The following WRN variants were observed in gnomAD, a reference collection of about 807,000 sequenced individuals.
The protein encoded by WRN is WRN RecQ like helicase.
In WRN, 149 loss-of-function variants were observed where a neutral mutation model predicts 180.7. That is an observed-to-expected ratio of 0.82 (90% CI 0.72 to 0.94). WRN has a LOEUF of 0.94. Ranked by LOEUF, WRN falls within the 40% of genes least tolerant of loss-of-function variation. The probability of loss-of-function intolerance (pLI) is 0.00; values close to 1 mark genes in which losing one functional copy is unlikely to be tolerated. For synonymous variants in WRN, 548 were observed against 568.9 expected, an observed-to-expected ratio of 0.96 and a Z score of 0.52; for missense variants, 1,661 against 1,700.1, an observed-to-expected ratio of 0.98 and a Z score of 0.40.
chr8:31,157,574 AGTAAACAAG>A, intron 33 of WRN, 44 bp downstream of exon 33: 4 of 1,610,882 alleles, frequency 2.5e-6, no homozygotes, highest in Non-Finnish European at 3.4e-6. Context: ...GACTTGATGA[AGTAAACAAG>A]CAATCCACTA....
intron 33 of WRN, among the ~76,000 whole-genome samples, chr8:31,166,229 T>G (rs1378244419): frequency 6.6e-6 from 1 of 152,160 alleles, no homozygotes; most frequent in Non-Finnish European, 1.5e-5. Flanking sequence ...AAATATTTGA[T>G]ATGTTTTGTA....
At position 31,142,300 on chromosome 8, in the gene WRN, C is replaced by A. The variant is rs186501297; in HGVS notation, c.3234-326C>A. Among the ~76,000 whole-genome samples the A allele has an allele frequency of 5.3e-5, 8 of 152,218 alleles. No homozygotes were observed. In the East Asian group the frequency reaches 1.4e-3, roughly 26 times the overall value. On this transcript the variant is annotated intron_variant, in intron 26 of 34. Transcript: ENST00000298139. ...GCTGACCATGGTATTTAGAAAACTT[C>A]TTTCTCATCGATTAAAGAAGCAGTA...
Position 31,079,492 on chromosome 8 carries a change from C to G in WRN, c.840-1375C>G, listed in dbSNP as rs192788952. ...CTTTTATGAAGTACTTTAATAAGCT[C>G]TACAACAAATAAACAAGACATTGTG... is the stretch of plus-strand genomic sequence containing the variant. On this transcript the variant is annotated intron_variant, in intron 8 of 34. Coordinates refer to ENST00000298139, the MANE Select transcript of WRN (RefSeq NM_000553.6). Among the ~76,000 whole-genome samples the G allele has an allele frequency of 1.6e-4, 24 of 152,246 alleles. No homozygotes were observed. In the East Asian group the frequency reaches 2.9e-3, roughly 18 times the overall value.
intron 24 of WRN, among the ~76,000 whole-genome samples, chr8:31,138,384 TTACTA>T (rs1802481052): frequency 6.6e-6 from 1 of 152,154 alleles, no homozygotes; most frequent in Admixed American, 6.5e-5. Flanking sequence ...AGTAAAATGA[TTACTA>T]TAATGAAACT....
At position 31,090,939 on chromosome 8, in the gene WRN, T is replaced by A. The variant is rs779488238; in HGVS notation, c.1826T>A (p.Leu609His). The A allele has an allele frequency of 6.2e-7, 1 of 1,609,612 alleles. No homozygotes were observed. Among genetic ancestry groups the A allele is most frequent in the Non-Finnish European group, 8.5e-7 (1 of 1,176,222 alleles). Residue 609 changes from leucine (L) to histidine (H), a missense_variant, in exon 15 of 35, where the codon CTT (leucine) becomes CAT (histidine). Leu to His is a moderately conservative substitution (Grantham distance 99). Transcript: ENST00000298139. ...ISLMEDQVLQ[L>H]KMSNIPACFL... Reference sequence around the variant, plus strand: ...CTGATGGAAGACCAAGTGCTACAGCTTAAGTAAGTCATGTTATCATTGCCA... The same window carrying A: ...CTGATGGAAGACCAAGTGCTACAGCATAAGTAAGTCATGTTATCATTGCCA...
intron 1 of WRN, among the ~76,000 whole-genome samples, chr8:31,036,726 A>G (rs909628869): frequency 2.0e-5 from 3 of 151,368 alleles, no homozygotes; most frequent in African/African-American, 7.3e-5. Context: ...TTTGCTATTG[A>G]GTTGTTTGAC....
intron 1 of WRN, among the ~76,000 whole-genome samples, chr8:31,046,691 G>C (rs1283283662): frequency 6.6e-6 from 1 of 152,166 alleles, no homozygotes; most frequent in Non-Finnish European, 1.5e-5. Flanking sequence ...GATCTTCGTA[G>C]TCTGTAGTAA....
chr8:31,093,559 T>C (rs529699262), intron 16 of WRN, among the ~76,000 whole-genome samples: 1 of 152,348 alleles, frequency 6.6e-6, no homozygotes, highest in East Asian at 1.9e-4. Context: ...CACATCCTTA[T>C]AAAAATCTTT....
At chr8:31,120,167 C>CT in intron 20 of WRN, 76 bp from the exon 21 acceptor site, 1 of 1,568,336 alleles carries the variant, frequency 6.4e-7, no homozygotes, top group Non-Finnish European at 8.8e-7. Flanking sequence ...ACAAATTATT[C>CT]TTACAAAAAG....
At position 31,141,774 on chromosome 8, in the gene WRN, A is replaced by G. The variant is rs543930395; in HGVS notation, c.3232A>G (p.Ser1078Gly). 14 of 1,613,552 alleles carry G rather than the reference A, an allele frequency of 8.7e-6. No individual in the cohort carries two copies. In the South Asian group the frequency reaches 1.5e-4, roughly 18 times the overall value. Residue 1078 changes from serine (S) to glycine (G), a missense_variant and splice_region_variant, in exon 26 of 35, where the codon AGT becomes GGT. By Grantham distance (56) the Ser-to-Gly change is moderately conservative. Coordinates refer to ENST00000298139, the MANE Select transcript of WRN (RefSeq NM_000553.6). ...ELCPKKLLLP[S>G]SKTVSSGTKE... ...GTGTCCAAAGAAGTTGCTTCTGCCT[A>G]GGTTCATTTTTCAGTTTTTTTCTTG...
intron 14 of WRN, 55 bp from the exon 15 acceptor site, chr8:31,090,779 T>G: frequency 1.4e-6 from 2 of 1,402,696 alleles, no homozygotes; most frequent in Non-Finnish European, 2.0e-6. Flanking sequence ...CATCAAAGGT[T>G]TATTTTTATT....
At chr8:31,149,169 G>A (rs1383371688) in intron 30 of WRN, among the ~76,000 whole-genome samples, 3 of 151,978 alleles carry the variant, frequency 2.0e-5, no homozygotes, top group Admixed American at 2.0e-4. Context: ...AGGCCGAGGC[G>A]GGCGGATCAC....
intron 1 of WRN, among the ~76,000 whole-genome samples, chr8:31,045,002 G>A (rs749843180): frequency 2.0e-5 from 3 of 152,170 alleles, no homozygotes; most frequent in African/African-American, 7.2e-5. Flanking sequence ...TTTCAAAATG[G>A]TGATGCCAGT....
intron 18 of WRN, among the ~76,000 whole-genome samples, chr8:31,107,108 G>A (rs1480604162): frequency 2.6e-5 from 4 of 152,208 alleles, no homozygotes; most frequent in South Asian, 2.1e-4. Context: ...ACCTATAACA[G>A]TAGAAGTAAT....
At position 31,141,419 on chromosome 8, in the gene WRN, C is replaced by T. The variant is rs756511020; in HGVS notation, c.2968-11C>T. ...AGCATTTTTAGATACTGATTTTATT[C>T]CTAATTTCAGAATTCTCAGCGTCTT... is the stretch of plus-strand genomic sequence containing the variant. On this transcript the variant is annotated splice_polypyrimidine_tract_variant and intron_variant, in intron 24 of 34. Coordinates refer to ENST00000298139, the MANE Select transcript of WRN (RefSeq NM_000553.6). The T allele has an allele frequency of 4.3e-6, 7 of 1,613,720 alleles. No homozygotes were observed. The highest frequency in any genetic ancestry group is 1.1e-5 in the South Asian group (1 of 91,070).
intron 28 of WRN, among the ~76,000 whole-genome samples, chr8:31,144,492 A>G (rs1802785878): frequency 6.6e-6 from 1 of 151,818 alleles, no homozygotes. Context: ...CCCCCCGATC[A>G]TGTCTGGCTA....
At chr8:31,170,549 G>A (rs538156427) in intron 34 of WRN, among the ~76,000 whole-genome samples, 21 of 152,278 alleles carry the variant, frequency 1.4e-4, no homozygotes, top group African/African-American at 4.8e-4. Flanking sequence ...GAAATTAAAT[G>A]TGAATGTAAC....
At chr8:31,067,259 T>C (rs1812746903) in intron 6 of WRN, 77 bp downstream of exon 6, 1 of 1,520,592 alleles carries the variant, frequency 6.6e-7, no homozygotes, top group African/African-American at 1.4e-5. Flanking sequence ...AAAATTTTAT[T>C]ATAGTAGTGG....
rs201463241 is a variant in WRN at position 31,167,250 on chromosome 8, T to C, written c.4191+20T>C. The C allele has an allele frequency of 1.8e-5, 29 of 1,595,364 alleles. No homozygotes were observed. The Admixed American group carries it at 3.5e-4, about 19-fold the overall frequency. On this transcript the variant is annotated intron_variant, in intron 34 of 34. Transcript: ENST00000298139. ...ACTGAGGTATTAATTATATATAGAA[T>C]TTTCATAAAGTGTCAGTTTGTTCAA...
Sources: gnomAD v4.1 joint callset for allele counts (sites outside exome capture counted in the v4.1 genomes callset) on GRCh38, gnomAD v4.1.1 for gene constraint, MANE v1.5 for transcripts, NCBI Gene and HGNC (gene_info 2026-07-23, HGNC 2026-07-21) for gene names.